The following ZNF541 variants were observed in gnomAD, a reference collection of about 807,000 sequenced individuals.
ZNF541 encodes the protein zinc finger protein 541.
Under a neutral mutation model 123.5 loss-of-function variants are expected in ZNF541, and 23 were observed. The ratio of observed to expected loss-of-function variants is 0.19; its 90% CI spans 0.13 to 0.26. The LOEUF (loss-of-function observed/expected upper bound fraction) is 0.26, where lower values mean the gene tolerates loss of function less well. ZNF541 is among the 10% of genes least tolerant of loss of function. The probability of loss-of-function intolerance (pLI) is 1.00; values close to 1 mark genes in which losing one functional copy is unlikely to be tolerated. For missense variants in ZNF541, 1,612 were observed against 1,789.9 expected (o/e 0.90, Z 1.79); for synonymous variants, 751 against 754.5 (o/e 1.00, Z 0.08).
rs768829744 is a variant in ZNF541, at chr19:47,521,664, G to A, written c.3712-10C>T. 2.6e-6 allele frequency: 4 copies of A among 1,551,264 alleles called. No homozygotes were observed. In the South Asian group the frequency reaches 4.8e-5, roughly 18 times the overall value. On this transcript the variant is annotated splice_polypyrimidine_tract_variant and intron_variant, in intron 15 of 16. Transcript: ENST00000391901. This position sits in a 1 kb window ranked among gnomAD's most constrained non-coding sequence, Gnocchi z 4.2. ...GAGGGCTGCATGGGACCTGCAGAGG[G>A]AGCAAAAGTGACATAAGGGTGCTGA...
chr19:47,531,267 G>A (rs1969561037), intron 12 of ZNF541, among the ~76,000 whole-genome samples: 1 of 144,218 alleles, frequency 6.9e-6, no homozygotes, highest in Non-Finnish European at 1.5e-5. Flanking sequence ...AGTAGGTAGA[G>A]GCATTTATGT....
At chr19:47,538,614 C>T (rs976927919) in intron 8 of ZNF541, 175 bp from the exon 9 acceptor site, 10 of 609,598 alleles carry the variant, frequency 1.6e-5, no homozygotes, top group East Asian at 6.0e-5. Flanking sequence ...CTGAGCCTGG[C>T]GATGATCCGG....
intron 2 of ZNF541, among the ~76,000 whole-genome samples, chr19:47,570,786 CAA>C (rs1281902976): frequency 6.7e-6 from 1 of 149,490 alleles, no homozygotes; most frequent in Non-Finnish European, 1.5e-5. Flanking sequence ...GTCTTAAGAG[CAA>C]AAGTTTTAAA....
At chr19:47,569,005 T>G (rs1971374990) in intron 2 of ZNF541, among the ~76,000 whole-genome samples, 1 of 152,182 alleles carries the variant, frequency 6.6e-6, no homozygotes, top group Admixed American at 6.6e-5. Context: ...ATAGACCCAT[T>G]TTGTTTGGCC....
Position 47,532,122 on chromosome 19 carries a change from A to T in ZNF541, c.3301+6T>A, listed in dbSNP as rs1969601210. ...CTTAGGAATTTAGCCCCAAAGCCTC[A>T]GCCACCTCTATCCTGTGTCTCTGAG... On this transcript the variant is annotated splice_donor_region_variant and intron_variant, in intron 11 of 16. Coordinates refer to ENST00000391901, the MANE Select transcript of ZNF541 (RefSeq NM_001277075.3). The T allele has an allele frequency of 6.4e-7, 1 of 1,550,994 alleles. No individual in the cohort carries two copies. The highest frequency in any genetic ancestry group is 1.4e-5 in the African/African-American group (1 of 73,036).
At chr19:47,569,390 C>A (rs1035370928) in intron 2 of ZNF541, among the ~76,000 whole-genome samples, 1 of 152,012 alleles carries the variant, frequency 6.6e-6, no homozygotes, top group African/African-American at 2.4e-5. Flanking sequence ...CCTATTTCAC[C>A]AATGAGGTAA....
intron 4 of ZNF541, among the ~76,000 whole-genome samples, chr19:47,546,273 C>T (rs2123169637): frequency 6.6e-6 from 1 of 150,904 alleles, no homozygotes; most frequent in East Asian, 1.9e-4. Flanking sequence ...TTTGGGAGGC[C>T]GAGGTGAGTG....
intron 9 of ZNF541, among the ~76,000 whole-genome samples, chr19:47,534,672 C>A (rs1038393431): frequency 1.3e-5 from 2 of 151,548 alleles, no homozygotes; most frequent in African/African-American, 2.4e-5. Flanking sequence ...AACCACCCCC[C>A]CAAAACAAAA....
At chr19:47,535,342 T>C (rs1224793902) in intron 9 of ZNF541, among the ~76,000 whole-genome samples, 2 of 152,112 alleles carry the variant, frequency 1.3e-5, no homozygotes, top group East Asian at 3.8e-4. Context: ...CAAGAACAAG[T>C]AACAAAAGAA....
chr19:47,567,089 T>C (rs1262164694), intron 2 of ZNF541, among the ~76,000 whole-genome samples: 1 of 151,518 alleles, frequency 6.6e-6, no homozygotes, highest in Non-Finnish European at 1.5e-5. Flanking sequence ...AAATAAATAA[T>C]AGAAAAATAG....
At chr19:47,571,433 T>C (rs558211858) in intron 2 of ZNF541, among the ~76,000 whole-genome samples, 1 of 152,342 alleles carries the variant, frequency 6.6e-6, no homozygotes, top group African/African-American at 2.4e-5. Context: ...AATTATCAAA[T>C]GTGTTGCTAG....
At position 47,521,302 on chromosome 19, in the gene ZNF541, G is replaced by A; in HGVS notation, c.3963C>T (p.Ile1321=). ...AGGGCTTCACTGGCCACTTCACCCTGATGATGGGCTCCACGTGGTCCTGAA... is the reference window on the plus strand; with the variant it reads ...AGGGCTTCACTGGCCACTTCACCCTAATGATGGGCTCCACGTGGTCCTGAA... ...HRLQDHVEPI[I]RVKWPVKPFQ... The change falls in exon 17 of 17, where the codon ATC becomes ATT. Residue 1321 remains isoleucine (I), a synonymous_variant. Coordinates refer to ENST00000391901, the MANE Select transcript of ZNF541 (RefSeq NM_001277075.3). The surrounding 1 kb of genome is among the most constrained non-coding windows in gnomAD (Gnocchi z 4.2). 1 of 1,551,738 alleles carries A rather than the reference G, an allele frequency of 6.4e-7. No individual in the cohort carries two copies.
chr19:47,544,972 G>C lies in ZNF541; in HGVS notation c.1557C>G (p.Pro519=). 2 of 1,532,530 alleles carry C rather than the reference G, an allele frequency of 1.3e-6. No homozygotes were observed. The highest frequency in any genetic ancestry group is 1.7e-6 in the Non-Finnish European group (2 of 1,145,392). 94.9% of individuals were successfully genotyped at this position (1,532,530 alleles called of 1,614,324 possible). A position where few individuals can be genotyped will look rare whatever the true frequency, so the allele number is the denominator to read the frequency against. The change falls in exon 5 of 17, where the codon CCC becomes CCG. Residue 519 remains proline (P), a synonymous_variant. Coordinates refer to ENST00000391901, the MANE Select transcript of ZNF541 (RefSeq NM_001277075.3). The part of the protein sequence containing the change: ...DSFLCQNPGE[P]GLQEAQKAGG... ...CTGCCTTCTGGGCCTCCTGGAGGCC[G>C]GGCTCCCCGGGGTTCTGGCACAGGA... is the stretch of plus-strand genomic sequence containing the variant.
chr19:47,528,871 C>T, intron 14 of ZNF541, 79 bp downstream of exon 14: 1 of 1,225,812 alleles, frequency 8.2e-7, no homozygotes, highest in East Asian at 2.5e-5. Flanking sequence ...GGCCCTCCGA[C>T]CCCCGACCAG....
Position 47,540,899 on chromosome 19 carries a change from C to A in ZNF541, c.2456G>T (p.Gly819Val). 2 of 1,551,222 alleles carry A rather than the reference C, an allele frequency of 1.3e-6. No homozygotes were observed. The highest frequency in any genetic ancestry group is 2.4e-5 in the East Asian group (1 of 40,916). Residue 819 changes from glycine to valine, a missense_variant, in exon 6 of 17, where the codon GGC (glycine) becomes GTC (valine). Physicochemically the swap from Gly to Val is moderately radical, Grantham distance 109. This residue lies in a region of ZNF541 where 1,080 missense variants were observed against 1,013.8 expected (regional missense o/e 1.07). Coordinates refer to ENST00000391901, the MANE Select transcript of ZNF541 (RefSeq NM_001277075.3). ...CGGGGGCTTCTTAACTTACCCTCTG[C>A]CTGCCACATTCTCTTCCTTCACCGG... is the stretch of plus-strand genomic sequence containing the variant. ...PHPVKEENVA[G>V]RGNQQNGSPT... is the part of the protein sequence containing the mutation.
In ZNF541 at chr19:47,529,596, G is replaced by A. The variant is rs370875978; in HGVS notation, c.3462C>T (p.Leu1154=). The change falls in exon 13 of 17, where the codon CTC becomes CTT. Residue 1154 remains leucine (L), a synonymous_variant. Transcript: ENST00000391901. ...RGPHKPRTHL[L]ADYRYTGSDV... Reference sequence around the variant, plus strand: ...CGTCACCTGTGTAGCGATAGTCAGCGAGCAGGTGTGTCCGTGGCTTGTGGG... The same window carrying A: ...CGTCACCTGTGTAGCGATAGTCAGCAAGCAGGTGTGTCCGTGGCTTGTGGG... 57 of 1,551,660 alleles carry A rather than the reference G, an allele frequency of 3.7e-5. No individual in the cohort carries two copies. The highest frequency in any genetic ancestry group is 7.3e-5 in the East Asian group (3 of 40,918).
chr19:47,537,201 T>C (rs1969861209), intron 9 of ZNF541, among the ~76,000 whole-genome samples: 2 of 152,098 alleles, frequency 1.3e-5, no homozygotes, highest in Admixed American at 6.6e-5. Flanking sequence ...ATCCTAAAAA[T>C]CACTGCATAC....
At chr19:47,540,424 A>G (rs997389092) in intron 6 of ZNF541, 89 bp from the exon 7 acceptor site, 7 of 1,347,322 alleles carry the variant, frequency 5.2e-6, no homozygotes, top group East Asian at 5.3e-5. Flanking sequence ...TTTTTTGTCT[A>G]TAACTCCAAT....
At chr19:47,527,999 CT>C (rs1022343366) in intron 14 of ZNF541, among the ~76,000 whole-genome samples, 1,925 of 118,192 alleles carry the variant, frequency 0.016, 39 homozygotes, top group African/African-American at 0.052. Flanking sequence ...ACGCCAGGCC[CT>C]TTTTTTTTTT....
Sources: gnomAD v4.1 joint callset for allele counts (sites outside exome capture counted in the v4.1 genomes callset) on GRCh38, gnomAD v4.1.1 for gene constraint, gnomAD v4.1.1 regional missense constraint, Gnocchi (gnomAD v3.1) non-coding constraint, MANE v1.5 for transcripts, NCBI Gene and HGNC (gene_info 2026-07-23, HGNC 2026-07-21) for gene names.